EPB41: variants seen among roughly 807,000 people sequenced by gnomAD.
EPB41 encodes erythrocyte membrane protein band 4.1.
A neutral mutation model predicts 108.0 loss-of-function variants in EPB41; 65 were observed. That is an observed-to-expected ratio of 0.60 (90% CI 0.49 to 0.74). EPB41 has a LOEUF of 0.74. EPB41 is among the 30% of genes least tolerant of loss of function. EPB41 has a pLI of 0.00. For synonymous variants in EPB41, 336 were observed against 358.9 expected (o/e 0.94, Z 0.72); for missense variants, 875 against 1,037.0 (o/e 0.84, Z 2.15).
chr1:29,017,263 A>G (rs1008556375), intron 6 of EPB41, among the ~76,000 whole-genome samples: 1 of 152,264 alleles, frequency 6.6e-6, no homozygotes, highest in Admixed American at 6.5e-5. Context: ...AATGTACGTT[A>G]TGACTAATTA....
chr1:29,062,327 A>G (rs1646705285), intron 15 of EPB41, among the ~76,000 whole-genome samples: 3 of 152,086 alleles, frequency 2.0e-5, no homozygotes, highest in Admixed American at 6.6e-5. Flanking sequence ...TACCAATCAT[A>G]TATTTGTCAT....
At position 29,064,973 on chromosome 1, in the gene EPB41, C is replaced by T. The variant is rs78536702; in HGVS notation, c.2008-9C>T. The stretch of plus-strand genomic sequence containing the variant: ...GTATTGTTTTGCATCTTTGTCCTTT[C>T]AACTGTAGGATTTAGACAAGAGTCA... On this transcript the variant is annotated splice_polypyrimidine_tract_variant and intron_variant, in intron 15 of 20. Transcript: ENST00000343067. 226 of 1,613,784 alleles carry T rather than the reference C, an allele frequency of 1.4e-4. 1 individual carries two copies. The East Asian group carries it at 4.2e-3, about 30-fold the overall frequency.
At chr1:28,922,112 G>A (rs2093140713) in intron 1 of EPB41, among the ~76,000 whole-genome samples, 2 of 150,766 alleles carry the variant, frequency 1.3e-5, no homozygotes, top group South Asian at 4.2e-4. Flanking sequence ...TGGCATTACA[G>A]GCACGTGCCA....
At chr1:28,944,534 GT>G (rs55849161) in intron 1 of EPB41, among the ~76,000 whole-genome samples, 10,679 of 96,316 alleles carry the variant, frequency 0.11, 181 homozygotes, top group East Asian at 0.27. Context: ...CTCAGATCTG[GT>G]TTTTTTTTTT....
At chr1:29,034,973 GTTTTTTTTTTTTT>G (rs10580931) in intron 9 of EPB41, among the ~76,000 whole-genome samples, 6 of 87,192 alleles carry the variant, frequency 6.9e-5, no homozygotes, top group South Asian at 5.2e-4. Context: ...TTTGTTTGTT[GTTTTTTTTTTTTT>G]TTTTTTTTTT....
At chr1:28,892,221 G>A (rs2090195567) in intron 1 of EPB41, among the ~76,000 whole-genome samples, 1 of 151,906 alleles carries the variant, frequency 6.6e-6, no homozygotes, top group South Asian at 2.1e-4. Flanking sequence ...CAGGTAGGTG[G>A]TACCCCTCAC....
Position 29,060,458 on chromosome 1 carries a change from A to G in EPB41, c.1981A>G (p.Ile661Val), listed in dbSNP as rs1347391487. Residue 661 changes from isoleucine (I) to valine (V), a missense_variant, in exon 15 of 21, where the codon ATC becomes GTC. Physicochemically the swap from Ile to Val is conservative, Grantham distance 29 (BLOSUM62 3). Around this residue, in one of 3 missense-constraint regions of EPB41, gnomAD observed 519 missense variants for 627.3 expected, o/e 0.83. Coordinates refer to ENST00000343067, the MANE Select transcript of EPB41 (RefSeq NM_001376013.1). ...RERLDGENIY[I>V]RHSNLMLEDL... ...AAGACTAGATGGTGAAAACATTTAT[A>G]TCAGACATAGCAATTTAATGTTGGA... The G allele has an allele frequency of 2.5e-6, 4 of 1,613,458 alleles. No homozygotes were observed. The highest frequency in any genetic ancestry group is 2.2e-5 in the East Asian group (1 of 44,862).
At position 29,018,007 on chromosome 1, in the gene EPB41, C is replaced by T. The variant is rs2096598706; in HGVS notation, c.906-217C>T. Among the ~76,000 whole-genome samples the T allele has an allele frequency of 6.6e-6, 1 of 151,472 alleles. No homozygotes were observed. The highest frequency in any genetic ancestry group is 1.5e-5 in the Non-Finnish European group (1 of 68,004). The stretch of plus-strand genomic sequence containing the variant: ...TTTAAGTTTTAATATGTAAAAATTT[C>T]AAACACACAGAGAGAAATAATAGCG... On this transcript the variant is annotated intron_variant, in intron 6 of 20. Transcript: ENST00000343067. The surrounding 1 kb of genome is among the most constrained non-coding windows in gnomAD (Gnocchi z 4.4).
At chr1:29,079,420 T>C (rs1380587347) in intron 16 of EPB41, among the ~76,000 whole-genome samples, 1 of 151,974 alleles carries the variant, frequency 6.6e-6, no homozygotes, top group African/African-American at 2.4e-5. Context: ...TATTACCTTT[T>C]TTTTTTTTTC....
chr1:29,048,047 G>A (rs993019473), intron 11 of EPB41, among the ~76,000 whole-genome samples: 1 of 152,068 alleles, frequency 6.6e-6, no homozygotes, highest in African/African-American at 2.4e-5. Flanking sequence ...GCCTCCCAAA[G>A]TTCTGGGATT....
Position 28,987,842 on chromosome 1 carries a change from T to A in EPB41, c.405T>A (p.Pro135=). ...TTTTAAAGGCCCCAATTGCAGCTCC[T>A]GAACCGGAACTCAAAACAGACCCAT... ...EIILKAPIAA[P]EPELKTDPSL... The change falls in exon 2 of 21, where the codon CCT becomes CCA. Residue 135 remains proline, a synonymous_variant. Transcript: ENST00000343067. 1 of 1,614,238 alleles carries A rather than the reference T, an allele frequency of 6.2e-7. No homozygotes were observed. Among genetic ancestry groups the A allele is most frequent in the Non-Finnish European group, 8.5e-7 (1 of 1,180,048 alleles).
chr1:29,052,944 A>G (rs974193875), intron 11 of EPB41, among the ~76,000 whole-genome samples, 160 bp from the exon 12 acceptor site: 8 of 152,232 alleles, frequency 5.3e-5, no homozygotes, highest in African/African-American at 1.9e-4. Context: ...GTTCCCTGGC[A>G]GAGCACTAAT....
intron 16 of EPB41, among the ~76,000 whole-genome samples, chr1:29,074,959 C>T (rs1269145697): frequency 6.6e-6 from 1 of 151,974 alleles, no homozygotes; most frequent in African/African-American, 2.4e-5. Context: ...GAGATCGAGA[C>T]CATCCTGGCT....
chr1:28,971,246 C>T (rs61785237), intron 1 of EPB41, among the ~76,000 whole-genome samples: 1 of 133,732 alleles, frequency 7.5e-6, no homozygotes, highest in African/African-American at 2.9e-5. Flanking sequence ...TGCAGTGGCG[C>T]GATCTTGGCT....
chr1:29,089,612 T>C (rs971291288), intron 16 of EPB41, among the ~76,000 whole-genome samples: 6 of 152,186 alleles, frequency 3.9e-5, no homozygotes, highest in African/African-American at 7.2e-5. Flanking sequence ...AAGTGTGGAC[T>C]TCCAGGCAGA....
In EPB41 at chr1:29,018,272, G is replaced by T. The variant is rs766561417; in HGVS notation, c.954G>T (p.Leu318=). The T allele has an allele frequency of 2.5e-6, 4 of 1,614,108 alleles. No individual in the cohort carries two copies. In the South Asian group the frequency reaches 4.4e-5, roughly 18 times the overall value. ...QLRQDIVAGR[L]PCSFATLALL... The stretch of plus-strand genomic sequence containing the variant: ...GGCAGGACATAGTTGCAGGACGTCT[G>T]CCCTGTTCCTTTGCAACCTTAGCAT... The change falls in exon 7 of 21, where the codon CTG becomes CTT. Residue 318 remains leucine (L), a synonymous_variant. Coordinates refer to ENST00000343067, the MANE Select transcript of EPB41 (RefSeq NM_001376013.1). This position sits in a 1 kb window ranked among gnomAD's most constrained non-coding sequence, Gnocchi z 4.4.
intron 17 of EPB41, 94 bp downstream of exon 17, chr1:29,098,029 C>T: frequency 6.4e-7 from 1 of 1,556,634 alleles, no homozygotes; most frequent in Non-Finnish European, 8.8e-7. Context: ...GCCAAGAATA[C>T]CAGGTTTTTC....
At position 29,050,832 on chromosome 1, in the gene EPB41, C is replaced by T. The variant is rs1056113002; in HGVS notation, c.1637-2272C>T. 1.2e-4 allele frequency among the ~76,000 whole-genome samples: 19 copies of T among 152,090 alleles called. No homozygotes were observed. In the East Asian group the frequency reaches 3.1e-3, roughly 25 times the overall value. ...CTGGGACTACAGACGCCCGCCACCA[C>T]GCCCAGCTAATTTTTTGTATTTTTT... is the stretch of plus-strand genomic sequence containing the variant. On this transcript the variant is annotated intron_variant, in intron 11 of 20. Transcript: ENST00000343067.
intron 1 of EPB41, among the ~76,000 whole-genome samples, chr1:28,929,006 T>A (rs979474510): frequency 1.9e-4 from 29 of 152,330 alleles, no homozygotes; most frequent in African/African-American, 6.7e-4. Context: ...AGTTTCTTCA[T>A]CTGTTAAATT....
Sources: allele counts gnomAD v4.1 joint callset (sites outside exome capture counted in the v4.1 genomes callset), GRCh38; gene constraint gnomAD v4.1.1; regional missense constraint gnomAD v4.1.1; non-coding constraint Gnocchi (gnomAD v3.1); transcripts MANE v1.5; gene names NCBI Gene and HGNC (gene_info 2026-07-23, HGNC 2026-07-21).